The following PRELID2 variants were observed in gnomAD, a reference collection of about 807,000 sequenced individuals.
PRELID2 encodes PRELI domain containing 2.
A neutral mutation model predicts 28.4 loss-of-function variants in PRELID2; 25 were observed. The ratio of observed to expected loss-of-function variants is 0.88; its 90% confidence interval spans 0.64 to 1.23. PRELID2 has a LOEUF of 1.23. Among genes scored for constraint, PRELID2 ranks in the 50% most tolerant of loss-of-function variants. PRELID2 has a pLI of 0.00. For synonymous variants in PRELID2, 76 were observed against 71.6 expected, an observed-to-expected ratio of 1.06 and a Z score of -0.31; for missense variants, 201 against 214.4, an observed-to-expected ratio of 0.94 and a Z score of 0.39.
intron 5 of PRELID2, among the ~76,000 whole-genome samples, chr5:145,793,275 CATAAAAAT>C (rs1449092671): frequency 5.3e-5 from 8 of 152,098 alleles, no homozygotes; most frequent in Admixed American, 5.2e-4. Flanking sequence ...AATTTACAAA[CATAAAAAT>C]ATAAAGTTTG....
intron 1 of PRELID2, among the ~76,000 whole-genome samples, chr5:145,710,200 C>T (rs1416041511): frequency 6.6e-6 from 1 of 152,058 alleles, no homozygotes; most frequent in Non-Finnish European, 1.5e-5. Context: ...CAATATTTTA[C>T]TTATCTCTGA....
intron 1 of PRELID2, among the ~76,000 whole-genome samples, chr5:145,661,679 A>T (rs994346025): frequency 1.3e-5 from 2 of 150,976 alleles, no homozygotes; most frequent in Admixed American, 1.3e-4. Context: ...AAAAAAAAAA[A>T]AAAAAAAAAA....
chr5:145,412,517 T>C, the PRELID2 span, among the ~76,000 whole-genome samples: 33,008 of 152,154 alleles, frequency 0.22, 3,822 homozygotes, highest in South Asian at 0.33. Context: ...ATTTAACAAG[T>C]CTCTAGGACA....
intron 1 of PRELID2, among the ~76,000 whole-genome samples, chr5:145,611,710 T>C (rs779063855): frequency 4.6e-5 from 7 of 152,244 alleles, no homozygotes; most frequent in Non-Finnish European, 1.0e-4. Context: ...TTTCCACAAG[T>C]TGATCTATAA....
At chr5:145,634,389 T>G (rs189731032) in intron 1 of PRELID2, among the ~76,000 whole-genome samples, 33 of 152,284 alleles carry the variant, frequency 2.2e-4, no homozygotes, top group Non-Finnish European at 4.1e-4. Context: ...GATCCCCTTG[T>G]CCCTCCAAAC....
At chr5:145,313,139 G>T in the PRELID2 span, among the ~76,000 whole-genome samples, 2 of 152,086 alleles carry the variant, frequency 1.3e-5, no homozygotes, top group South Asian at 4.1e-4. Flanking sequence ...CATAGAACTG[G>T]ACTTTAGATA....
chr5:145,366,506 G>A, the PRELID2 span, among the ~76,000 whole-genome samples: 210 of 151,954 alleles, frequency 1.4e-3, 1 homozygote, highest in Non-Finnish European at 2.2e-3. Flanking sequence ...TTCAATTGTC[G>A]CCAAGCATTG....
the PRELID2 span, among the ~76,000 whole-genome samples, chr5:145,438,595 C>T: frequency 1.8e-4 from 27 of 152,120 alleles, no homozygotes; most frequent in South Asian, 5.2e-3. Context: ...AAGTTAGATG[C>T]CAAGGGCCTA....
intron 1 of PRELID2, among the ~76,000 whole-genome samples, chr5:145,731,202 G>T (rs977562987): frequency 9.9e-5 from 15 of 152,222 alleles, no homozygotes; most frequent in African/African-American, 3.1e-4. Flanking sequence ...GAAATTATCT[G>T]CTGGGATTCC....
the PRELID2 span, among the ~76,000 whole-genome samples, chr5:145,420,002 G>T: frequency 6.6e-6 from 1 of 151,876 alleles, no homozygotes; most frequent in East Asian, 1.9e-4. Flanking sequence ...TTTCCCCATT[G>T]CTTGTTTTTC....
At chr5:145,559,836 T>TAAAA (rs59361990) in intron 1 of PRELID2, among the ~76,000 whole-genome samples, 4 of 142,328 alleles carry the variant, frequency 2.8e-5, no homozygotes, top group African/African-American at 1.0e-4. Context: ...TAAAAAGAGG[T>TAAAA]AAAAAAAAAA....
the PRELID2 span, among the ~76,000 whole-genome samples, chr5:145,357,852 G>A: frequency 6.6e-6 from 1 of 151,384 alleles, no homozygotes; most frequent in Non-Finnish European, 1.5e-5. Flanking sequence ...TCCCATGCTA[G>A]TTCTTTCTCA....
chr5:145,730,651 C>T (rs1756312573), intron 1 of PRELID2, among the ~76,000 whole-genome samples: 1 of 152,142 alleles, frequency 6.6e-6, no homozygotes, highest in African/African-American at 2.4e-5. Context: ...AGGAGCATCG[C>T]CATCTTGGAC....
chr5:145,613,445 TC>T (rs892701954), intron 1 of PRELID2, among the ~76,000 whole-genome samples: 4 of 53,572 alleles, frequency 7.5e-5, no homozygotes, highest in Admixed American at 5.9e-4. Context: ...CCCTCCCCCC[TC>T]CCCCCACCCC....
intron 1 of PRELID2, among the ~76,000 whole-genome samples, chr5:145,564,857 T>C (rs1249310942): frequency 1.3e-5 from 2 of 152,226 alleles, no homozygotes; most frequent in Admixed American, 6.5e-5. Context: ...ATGAGAAAGC[T>C]TCAGGAGACT....
At chr5:145,705,509 A>AT (rs1388317150) in intron 1 of PRELID2, among the ~76,000 whole-genome samples, 2 of 152,134 alleles carry the variant, frequency 1.3e-5, no homozygotes, top group Admixed American at 6.6e-5. Context: ...TAAAAGTACC[A>AT]TTTTTAATGA....
chr5:145,632,725 G>A (rs1753949494), intron 1 of PRELID2, among the ~76,000 whole-genome samples: 1 of 152,274 alleles, frequency 6.6e-6, no homozygotes, highest in Non-Finnish European at 1.5e-5. Context: ...CATCTCCCTT[G>A]AGAGTGAGTT....
chr5:145,579,708 G>A (rs1177652571), intron 1 of PRELID2, among the ~76,000 whole-genome samples: 5 of 152,016 alleles, frequency 3.3e-5, no homozygotes, highest in Admixed American at 2.6e-4. Flanking sequence ...ATTTTGGATC[G>A]AGGCTGAGCC....
chr5:145,455,832 C>A, the PRELID2 span, among the ~76,000 whole-genome samples: 3 of 152,176 alleles, frequency 2.0e-5, no homozygotes, highest in Non-Finnish European at 4.4e-5. Context: ...TGAGGCGACA[C>A]CCCTCCCTGT....
Sources: allele counts gnomAD v4.1 joint callset (sites outside exome capture counted in the v4.1 genomes callset), GRCh38; gene constraint gnomAD v4.1.1; transcripts MANE v1.5; gene names NCBI Gene and HGNC (gene_info 2026-07-23, HGNC 2026-07-21).